Variants in EYS observed in about 807,000 individuals in gnomAD.
The protein encoded by EYS is EGF-like photoreceptor maintenance factor, also known as protein eyes shut homolog.
A neutral mutation model predicts 282.1 loss-of-function variants in EYS; 250 were observed. The observed-to-expected ratio is 0.89, with a 90% CI of 0.80 to 0.98. The LOEUF (loss-of-function observed/expected upper bound fraction) is 0.98, where lower values mean the gene tolerates loss of function less well. Among genes scored for constraint, EYS ranks in the 50% least tolerant of loss-of-function variants. The pLI is 0.00. For synonymous variants in EYS, 1,355 were observed against 1,282.9 expected (o/e 1.06, Z -1.20); for missense variants, 4,016 against 3,709.0 (o/e 1.08, Z -2.15).
chr6:64,592,630 A>G (rs777702579), intron 25 of EYS, among the ~76,000 whole-genome samples: 4 of 152,184 alleles, frequency 2.6e-5, no homozygotes, highest in Admixed American at 6.6e-5. Context: ...TTATAATATG[A>G]CATCACTTGA....
At chr6:65,050,594 GTTGT>G (rs1165387435) in intron 13 of EYS, among the ~76,000 whole-genome samples, 1 of 151,556 alleles carries the variant, frequency 6.6e-6, no homozygotes, top group African/African-American at 2.4e-5. Context: ...ATTAGAGATG[GTTGT>G]TTGGGTAGCC....
chr6:65,355,586 A>G (rs1461916896), intron 8 of EYS, among the ~76,000 whole-genome samples: 1 of 152,144 alleles, frequency 6.6e-6, no homozygotes, highest in Non-Finnish European at 1.5e-5. Flanking sequence ...ACAGGGGACT[A>G]AAATCCAGAA....
intron 36 of EYS, among the ~76,000 whole-genome samples, chr6:63,863,430 ACTGTAT>A (rs2149709145): frequency 6.6e-6 from 1 of 152,026 alleles, no homozygotes; most frequent in Non-Finnish European, 1.5e-5. Flanking sequence ...ATATGTAATA[ACTGTAT>A]CATGGGTTTT....
chr6:63,794,319 G>T (rs1770588114), intron 37 of EYS, among the ~76,000 whole-genome samples: 1 of 152,158 alleles, frequency 6.6e-6, no homozygotes, highest in Admixed American at 6.5e-5. Flanking sequence ...TGGGAAGCAG[G>T]CATTCCTGGC....
At chr6:65,420,997 A>C (rs1335007035) in intron 5 of EYS, among the ~76,000 whole-genome samples, 1 of 151,860 alleles carries the variant, frequency 6.6e-6, no homozygotes, top group African/African-American at 2.4e-5. Context: ...GGCAGAGTAA[A>C]TTTAGCATCT....
chr6:64,923,878 C>A (rs1768430336), intron 15 of EYS, among the ~76,000 whole-genome samples: 1 of 149,430 alleles, frequency 6.7e-6, no homozygotes, highest in South Asian at 2.1e-4. Context: ...GGTACAGCCC[C>A]CCTCCTGGCT....
At chr6:65,667,005 ATGCC>A (rs1341333346) in intron 1 of EYS, among the ~76,000 whole-genome samples, 3 of 151,778 alleles carry the variant, frequency 2.0e-5, no homozygotes, top group Non-Finnish European at 1.5e-5. Context: ...ATCAATACAT[ATGCC>A]TGGAGATGGT....
chr6:64,848,637 C>A (rs1765788658), intron 19 of EYS, among the ~76,000 whole-genome samples: 1 of 152,008 alleles, frequency 6.6e-6, no homozygotes, highest in African/African-American at 2.4e-5. Context: ...GGTGGATGAG[C>A]TGAAGGATAA....
At chr6:64,948,472 A>T (rs1356233789) in intron 14 of EYS, among the ~76,000 whole-genome samples, 2 of 147,136 alleles carry the variant, frequency 1.4e-5, no homozygotes, top group Non-Finnish European at 3.0e-5. Context: ...TAAATATTAA[A>T]TATTAATAAC....
At chr6:63,825,142 C>T (rs1771425244) in intron 36 of EYS, among the ~76,000 whole-genome samples, 1 of 151,978 alleles carries the variant, frequency 6.6e-6, no homozygotes, top group African/African-American at 2.4e-5. Flanking sequence ...TCCCCTACTT[C>T]CCTGACAACC....
chr6:65,068,481 T>C (rs946122017), intron 12 of EYS, among the ~76,000 whole-genome samples: 2 of 152,106 alleles, frequency 1.3e-5, no homozygotes. Context: ...TTCTATTCCA[T>C]GAGGCCACTC....
At chr6:65,532,990 G>A (rs796525507) in intron 2 of EYS, among the ~76,000 whole-genome samples, 33 of 151,640 alleles carry the variant, frequency 2.2e-4, no homozygotes, top group African/African-American at 6.8e-4. Flanking sequence ...TGCAATTGTC[G>A]ATTTTATAGA....
At chr6:64,342,973 T>C (rs1001198012) in intron 29 of EYS, among the ~76,000 whole-genome samples, 1 of 151,992 alleles carries the variant, frequency 6.6e-6, no homozygotes, top group Non-Finnish European at 1.5e-5. Flanking sequence ...CATTACATAA[T>C]GGTAAAGGGA....
intron 7 of EYS, among the ~76,000 whole-genome samples, chr6:65,399,942 A>G (rs1448958288): frequency 1.3e-5 from 2 of 151,986 alleles, no homozygotes; most frequent in Non-Finnish European, 2.9e-5. Flanking sequence ...GCTGCAATAC[A>G]ATTTCTTAGT....
chr6:65,668,531 C>A (rs1768275142), intron 1 of EYS, among the ~76,000 whole-genome samples: 1 of 151,800 alleles, frequency 6.6e-6, no homozygotes, highest in Non-Finnish European at 1.5e-5. Flanking sequence ...AGAGACTGTA[C>A]AGCCAACAAA....
At chr6:63,827,049 A>G (rs747527745) in intron 36 of EYS, among the ~76,000 whole-genome samples, 1 of 152,208 alleles carries the variant, frequency 6.6e-6, no homozygotes, top group Non-Finnish European at 1.5e-5. Context: ...TAACACATTA[A>G]GAACTCACAT....
At position 63,726,693 on chromosome 6, in the gene EYS, G is replaced by A; in HGVS notation, c.8072-13C>T. On this transcript the variant is annotated splice_polypyrimidine_tract_variant and intron_variant, in intron 41 of 42. Coordinates refer to ENST00000503581, the MANE Select transcript of EYS (RefSeq NM_001142800.2). ...CTTATGGATAAAGCTGAGGGAAGGA[G>A]AGAAAGAGAACTCTGGGAGTTATCT... The A allele has an allele frequency of 6.5e-7, 1 of 1,547,504 alleles. No homozygotes were observed. Among genetic ancestry groups the A allele is most frequent in the South Asian group, 1.2e-5 (1 of 83,448 alleles).
intron 30 of EYS, among the ~76,000 whole-genome samples, chr6:64,296,583 TACATATATATATATA>T (rs1203457604): frequency 2.2e-3 from 17 of 7,720 alleles, no homozygotes; most frequent in South Asian, 0.012. Context: ...TATATATATA[TACATATATATATATA>T]TTTTTTTTTT....
intron 2 of EYS, among the ~76,000 whole-genome samples, chr6:65,613,229 G>T (rs866222963): frequency 5.2e-4 from 79 of 151,860 alleles, no homozygotes; most frequent in African/African-American, 1.1e-3. Flanking sequence ...TAAATTAGAG[G>T]TGTCTGGAAT....
Sources: gnomAD v4.1 joint callset for allele counts (sites outside exome capture counted in the v4.1 genomes callset) on GRCh38, gnomAD v4.1.1 for gene constraint, MANE v1.5 for transcripts, NCBI Gene and HGNC (gene_info 2026-07-23, HGNC 2026-07-21) for gene names.